The following ZNF316 variants were observed in gnomAD, a reference collection of about 807,000 sequenced individuals.
ZNF316 encodes zinc finger protein 316.
Under a neutral mutation model 75.6 loss-of-function variants are expected in ZNF316, and 23 were observed. The observed-to-expected ratio is 0.30, with a 90% CI of 0.22 to 0.43. The LOEUF is 0.43. Ranked by LOEUF, ZNF316 falls within the 20% of genes least tolerant of loss-of-function variation. ZNF316 has a pLI of 1.00. For synonymous variants in ZNF316, 827 were observed against 666.2 expected (o/e 1.24, Z -3.72); for missense variants, 1,266 against 1,409.4 (o/e 0.90, Z 1.63).
rs1323260623 is a variant in ZNF316 at position 6,642,444 on chromosome 7, C to T, written c.35C>T (p.Ala12Val). ...AALHTTPDSPAAQLERAEDGS... is the reference protein window; with the variant it reads ...AALHTTPDSPVAQLERAEDGS... ...CTCCACACGACTCCCGACTCCCCAG[C>T]TGCCCAGCTGGAGCGGGCAGAGGAC... Residue 12 changes from alanine (A) to valine (V), a missense_variant, in exon 5 of 9, where the codon GCT becomes GTT. Physicochemically the swap from Ala to Val is moderately conservative, Grantham distance 64. Around this residue, in one of 3 missense-constraint regions of ZNF316, gnomAD observed 961 missense variants for 990.9 expected, o/e 0.97. Transcript: ENST00000382252. The surrounding 1 kb of genome is among the most constrained non-coding windows in gnomAD (Gnocchi z 8.1). 1 of 1,232,272 alleles carries T rather than the reference C, an allele frequency of 8.1e-7. No individual in the cohort carries two copies. The highest frequency in any genetic ancestry group is 1.5e-5 in the African/African-American group (1 of 64,550). 76.3% of individuals were successfully genotyped at this position (1,232,272 alleles called of 1,614,324 possible). A position where few individuals can be genotyped will look rare whatever the true frequency, so the allele number is the denominator to read the frequency against.
At position 6,654,670 on chromosome 7, in the gene ZNF316, C is replaced by T; in HGVS notation, c.*59C>T. The T allele has an allele frequency of 8.7e-7, 1 of 1,146,596 alleles. No individual in the cohort carries two copies. The highest frequency in any genetic ancestry group is 1.6e-5 in the African/African-American group (1 of 60,918). The allele number at this position is 1,146,596 out of a possible 1,614,324, so 71.0% of individuals were successfully genotyped here. On this transcript the variant is annotated 3_prime_UTR_variant, in exon 9 of 9. Transcript: ENST00000382252. ...GGCCACCGGCCCCTCCCTTGGACGG[C>T]CGGCCCCCCGCTCCTCGGGCCCCGG...
intron 6 of ZNF316, 98 bp downstream of exon 6, chr7:6,643,171 A>G (rs1779342022): frequency 1.6e-6 from 2 of 1,226,138 alleles, no homozygotes; most frequent in South Asian, 8.5e-5. Context: ...GGCAGCGGCC[A>G]TGGCACTGGA....
Position 6,656,303 on chromosome 7 carries a change from G to C in ZNF316, c.*1692G>C, listed in dbSNP as rs1455310486. 6.6e-6 allele frequency: 1 copy of C among 152,204 alleles called. No homozygotes were observed. The highest frequency in any genetic ancestry group is 1.5e-5 in the Non-Finnish European group (1 of 68,088). The allele number at this position is 152,204 out of a possible 1,614,324, so 9.4% of individuals were successfully genotyped here. ...GGGCCAAGGGCAAGGTGGGCTTGGGGGGCTCTGGGAATCTCAGCTCTAGCC... is the reference window on the plus strand; with the variant it reads ...GGGCCAAGGGCAAGGTGGGCTTGGGCGGCTCTGGGAATCTCAGCTCTAGCC... On this transcript the variant is annotated 3_prime_UTR_variant, in exon 9 of 9. Transcript: ENST00000382252.
In ZNF316 at chr7:6,639,709, G is replaced by C. The variant is rs1779279363; in HGVS notation, c.-167+568G>C. ...TCTACTGAGCTTGGCATGGCACCTA[G>C]GCCCAGCCTGAATCTGCGGCCTGAG... On this transcript the variant is annotated intron_variant, in intron 3 of 8. Coordinates refer to ENST00000382252, the MANE Select transcript of ZNF316 (RefSeq NM_001278559.2). The surrounding 1 kb of genome is among the most constrained non-coding windows in gnomAD (Gnocchi z 4.2). Among the ~76,000 whole-genome samples the C allele has an allele frequency of 6.6e-6, 1 of 152,210 alleles. No individual in the cohort carries two copies. Among genetic ancestry groups the C allele is most frequent in the Non-Finnish European group, 1.5e-5 (1 of 68,034 alleles).
At chr7:6,647,043 C>T (rs901829867) in intron 8 of ZNF316, among the ~76,000 whole-genome samples, 32 of 152,332 alleles carry the variant, frequency 2.1e-4, no homozygotes, top group African/African-American at 5.8e-4. Flanking sequence ...TGTTTTCTGC[C>T]GGCTCTGGTC....
chr7:6,654,679 C>G lies in ZNF316; in HGVS notation c.*68C>G, dbSNP rs1427254582. Reference sequence around the variant, plus strand: ...CCCCTCCCTTGGACGGCCGGCCCCCCGCTCCTCGGGCCCCGGGAGGCTGAG... The same window carrying G: ...CCCCTCCCTTGGACGGCCGGCCCCCGGCTCCTCGGGCCCCGGGAGGCTGAG... On this transcript the variant is annotated 3_prime_UTR_variant, in exon 9 of 9. Transcript: ENST00000382252. 8.8e-7 allele frequency: 1 copy of G among 1,131,738 alleles called. No individual in the cohort carries two copies. The highest frequency in any genetic ancestry group is 1.7e-5 in the African/African-American group (1 of 60,358). 70.1% of individuals were successfully genotyped at this position (1,131,738 alleles called of 1,614,324 possible).
At chr7:6,644,075 C>T in intron 7 of ZNF316, 127 bp downstream of exon 7, 1 of 1,065,110 alleles carries the variant, frequency 9.4e-7, no homozygotes, top group Non-Finnish European at 1.2e-6. Flanking sequence ...CCCAGCCCAC[C>T]TCCCAGGGAA....
rs1045122751 is a variant in ZNF316 at position 6,654,825 on chromosome 7, C to T, written c.*214C>T. 1.8e-5 allele frequency: 6 copies of T among 339,640 alleles called. No homozygotes were observed. The highest frequency in any genetic ancestry group is 1.4e-4 in the South Asian group (1 of 6,926). 21.0% of individuals were successfully genotyped at this position (339,640 alleles called of 1,614,324 possible). ...GGGAGCTCTGGGGAGAAGAGCAGCG[C>T]GGAGGCAGCGAGGCCAGGACGTCAC... On this transcript the variant is annotated 3_prime_UTR_variant, in exon 9 of 9. Transcript: ENST00000382252.
In ZNF316 at chr7:6,642,610, G is replaced by A. The variant is rs2115308248; in HGVS notation, c.201G>A (p.Ala67=). ...EEGVAEVVQD[A]QVEAVAEVEV... ...GTGTGGCAGAGGTAGTGCAGGATGCGCAGGTGGAGGCGGTGGCCGAGGTGG... is the reference window on the plus strand; with the variant it reads ...GTGTGGCAGAGGTAGTGCAGGATGCACAGGTGGAGGCGGTGGCCGAGGTGG... The change falls in exon 5 of 9, where the codon GCG becomes GCA. Residue 67 remains alanine (A), a synonymous_variant. Transcript: ENST00000382252. This position sits in a 1 kb window ranked among gnomAD's most constrained non-coding sequence, Gnocchi z 8.1. 2.4e-6 allele frequency: 3 copies of A among 1,225,110 alleles called. No homozygotes were observed. Among genetic ancestry groups the A allele is most frequent in the East Asian group, 3.1e-5 (1 of 31,770 alleles). The allele number at this position is 1,225,110 out of a possible 1,614,324, so 75.9% of individuals were successfully genotyped here.
At chr7:6,644,772 T>G (rs1779370498) in intron 8 of ZNF316, among the ~76,000 whole-genome samples, 179 bp downstream of exon 8, 1 of 152,222 alleles carries the variant, frequency 6.6e-6, no homozygotes, top group Non-Finnish European at 1.5e-5. Context: ...TGTAAGGTCC[T>G]TAGAGAACCT....
intron 8 of ZNF316, among the ~76,000 whole-genome samples, chr7:6,648,865 T>C (rs535213899): frequency 2.4e-4 from 37 of 152,180 alleles, no homozygotes; most frequent in Admixed American, 1.4e-3. Flanking sequence ...GCATTAAGGT[T>C]CAAAGGGGAA....
Position 6,652,517 on chromosome 7 carries a change from G to A in ZNF316, c.921G>A (p.Leu307=). The part of the protein sequence containing the change: ...WGPDPGGLGV[L]ADGSEAKPFL... ...CCGACCCAGGCGGCCTGGGGGTCCT[G>A]GCCGACGGCTCTGAAGCGAAGCCTT... The change falls in exon 9 of 9, where the codon CTG becomes CTA. Residue 307 remains leucine, a synonymous_variant. Coordinates refer to ENST00000382252, the MANE Select transcript of ZNF316 (RefSeq NM_001278559.2). The A allele has an allele frequency of 2.4e-6, 3 of 1,231,298 alleles. No individual in the cohort carries two copies. The highest frequency in any genetic ancestry group is 2.0e-6 in the Non-Finnish European group (2 of 987,600). 76.3% of individuals were successfully genotyped at this position (1,231,298 alleles called of 1,614,324 possible).
In ZNF316 at chr7:6,653,949, A is replaced by G; in HGVS notation, c.2353A>G (p.Ser785Gly). 1 of 1,153,668 alleles carries G rather than the reference A, an allele frequency of 8.7e-7. No individual in the cohort carries two copies. The highest frequency in any genetic ancestry group is 1.1e-6 in the Non-Finnish European group (1 of 938,980). 71.5% of individuals were successfully genotyped at this position (1,153,668 alleles called of 1,614,324 possible). Reference protein sequence around the residue: ...FVCGVCGAGFSRRAHLTAHGR... With the variant: ...FVCGVCGAGFGRRAHLTAHGR... Reference sequence around the variant, plus strand: ...GTGCGGCGTGTGCGGTGCGGGGTTCAGCCGTCGCGCGCACTTGACGGCGCA... The same window carrying G: ...GTGCGGCGTGTGCGGTGCGGGGTTCGGCCGTCGCGCGCACTTGACGGCGCA... Residue 785 changes from serine to glycine, a missense_variant, in exon 9 of 9, where the codon AGC becomes GGC. Ser to Gly is a moderately conservative substitution (Grantham distance 56). Coordinates refer to ENST00000382252, the MANE Select transcript of ZNF316 (RefSeq NM_001278559.2).
Position 6,653,668 on chromosome 7 carries a change from G to A in ZNF316, c.2072G>A (p.Trp691Ter). 9.3e-7 allele frequency: 1 copy of A among 1,077,452 alleles called. No individual in the cohort carries two copies. The highest frequency in any genetic ancestry group is 1.1e-6 in the Non-Finnish European group (1 of 887,580). The allele number at this position is 1,077,452 out of a possible 1,614,324, so 66.7% of individuals were successfully genotyped here. A position where few individuals can be genotyped will look rare whatever the true frequency, so the allele number is the denominator to read the frequency against. The change falls in exon 9 of 9, where the codon TGG becomes TAG. Residue 691 changes from tryptophan to a stop codon, truncating the protein, a stop_gained. Coordinates refer to ENST00000382252, the MANE Select transcript of ZNF316 (RefSeq NM_001278559.2). LOFTEE classifies it high-confidence loss of function. ...PAALAEEESP[W>*]ICSDCGKTFG... ...GCGCTGGCGGAGGAGGAGAGCCCGT[G>A]GATCTGCTCGGACTGCGGCAAGACG...
chr7:6,648,842 G>C (rs1327122127), intron 8 of ZNF316, among the ~76,000 whole-genome samples: 1 of 151,618 alleles, frequency 6.6e-6, no homozygotes, highest in African/African-American at 2.4e-5. Context: ...AGTGAGCCTT[G>C]AGGGACATCT....
chr7:6,653,353 G>A lies in ZNF316; in HGVS notation c.1757G>A (p.Gly586Glu). ...RRFLELGNGL[G>E]EGEGPSSHPL... ...TTCCTGGAGCTGGGCAACGGCCTGG[G>A]GGAGGGCGAAGGCCCCTCCTCCCAC... Residue 586 changes from glycine to glutamate, a missense_variant, in exon 9 of 9, where the codon GGG (glycine) becomes GAG (glutamate). Gly to Glu is a moderately conservative substitution (Grantham distance 98, BLOSUM62 -2). Transcript: ENST00000382252. 1.4e-5 allele frequency: 17 copies of A among 1,226,248 alleles called. No homozygotes were observed. The highest frequency in any genetic ancestry group is 1.7e-5 in the Non-Finnish European group (17 of 984,990). 76.0% of individuals were successfully genotyped at this position (1,226,248 alleles called of 1,614,324 possible).
Position 6,644,590 on chromosome 7 carries a change from A to C in ZNF316, c.703A>C (p.Thr235Pro). ...AGGAGACATCGTCACTGGCGTCTAC[A>C]CAGGTGAGCGTGGATGGAATTTTGC... ...EEGDIVTGVY[T>P]GAWFWTDDIE... The change falls in exon 8 of 9, where the codon ACA becomes CCA. Residue 235 changes from threonine (T) to proline (P), a missense_variant. Physicochemically the swap from Thr to Pro is conservative, Grantham distance 38 (BLOSUM62 -1). This residue lies in a region of ZNF316 where 961 missense variants were observed against 990.9 expected (regional missense o/e 0.97). Transcript: ENST00000382252. 1.6e-6 allele frequency: 2 copies of C among 1,231,530 alleles called. No homozygotes were observed. Among genetic ancestry groups the C allele is most frequent in the East Asian group, 3.2e-5 (1 of 31,710 alleles). 76.3% of individuals were successfully genotyped at this position (1,231,530 alleles called of 1,614,324 possible). A position where few individuals can be genotyped will look rare whatever the true frequency, so the allele number is the denominator to read the frequency against.
rs1236360762 is a variant in ZNF316, at chr7:6,655,989, A to G, written c.*1378A>G. Reference sequence around the variant, plus strand: ...GGGCCAGGAAACGGATTTTTGGTGCAGCTGCATTCCCTAATAGACCTAGTT... The same window carrying G: ...GGGCCAGGAAACGGATTTTTGGTGCGGCTGCATTCCCTAATAGACCTAGTT... On this transcript the variant is annotated 3_prime_UTR_variant, in exon 9 of 9. Transcript: ENST00000382252. 6.6e-6 allele frequency: 1 copy of G among 152,398 alleles called. No homozygotes were observed. The highest frequency in any genetic ancestry group is 1.5e-5 in the Non-Finnish European group (1 of 68,096). The allele number at this position is 152,398 out of a possible 1,614,324, so 9.4% of individuals were successfully genotyped here. A position where few individuals can be genotyped will look rare whatever the true frequency, so the allele number is the denominator to read the frequency against.
Position 6,655,505 on chromosome 7 carries a change from C to T in ZNF316, c.*894C>T, listed in dbSNP as rs954429058. Reference sequence around the variant, plus strand: ...CATCTACGGGCGCCCGAGGCCCTCGCAGCCCTGAGCCCCAGCTTTCACTTC... The same window carrying T: ...CATCTACGGGCGCCCGAGGCCCTCGTAGCCCTGAGCCCCAGCTTTCACTTC... On this transcript the variant is annotated 3_prime_UTR_variant, in exon 9 of 9. Coordinates refer to ENST00000382252, the MANE Select transcript of ZNF316 (RefSeq NM_001278559.2). The T allele has an allele frequency of 5.9e-5, 9 of 152,220 alleles. No homozygotes were observed. The highest frequency in any genetic ancestry group is 1.9e-4 in the African/African-American group (8 of 41,436). 9.4% of individuals were successfully genotyped at this position (152,220 alleles called of 1,614,324 possible).
Sources: gnomAD v4.1 joint callset for allele counts (sites outside exome capture counted in the v4.1 genomes callset) on GRCh38, gnomAD v4.1.1 for gene constraint, gnomAD v4.1.1 regional missense constraint, Gnocchi (gnomAD v3.1) non-coding constraint, MANE v1.5 for transcripts, NCBI Gene and HGNC (gene_info 2026-07-23, HGNC 2026-07-21) for gene names.